The following CRTC3 variants were observed in gnomAD, a reference collection of about 807,000 sequenced individuals.
The protein encoded by CRTC3 is CREB-regulated transcription coactivator 3.
Under a neutral mutation model 74.5 loss-of-function variants are expected in CRTC3, and 26 were observed. That is an observed-to-expected ratio of 0.35 (90% CI 0.26 to 0.48). The LOEUF is 0.48. Ranked by LOEUF, CRTC3 falls within the 20% of genes least tolerant of loss-of-function variation. CRTC3 has a pLI of 0.99. For missense variants in CRTC3, 760 were observed against 787.3 expected (o/e 0.97, Z 0.41); for synonymous variants, 377 against 325.8 (o/e 1.16, Z -1.69).
rs1967285884 is a variant in CRTC3 at position 90,572,199 on chromosome 15, C to T, written c.232-21437C>T. Among the ~76,000 whole-genome samples the T allele has an allele frequency of 2.7e-5, 4 of 149,180 alleles. No individual in the cohort carries two copies. The South Asian group carries it at 6.3e-4, about 24-fold the overall frequency. On this transcript the variant is annotated intron_variant, in intron 2 of 14. Coordinates refer to ENST00000268184, the MANE Select transcript of CRTC3 (RefSeq NM_022769.5). The stretch of plus-strand genomic sequence containing the variant: ...AAAAAAAAGGCAGAACTTGATACAC[C>T]TTAGGTATCTTTCTATGTCAGTACC...
At chr15:90,590,423 C>T (rs1473281485) in intron 2 of CRTC3, among the ~76,000 whole-genome samples, 2 of 151,770 alleles carry the variant, frequency 1.3e-5, no homozygotes, top group African/African-American at 2.4e-5. Flanking sequence ...TTGAGTGGCA[C>T]GTAGTATTTC....
rs774224765 is a variant in CRTC3, at chr15:90,629,504, G to A, written c.1238G>A (p.Ser413Asn). 1 of 1,613,856 alleles carries A rather than the reference G, an allele frequency of 6.2e-7. No individual in the cohort carries two copies. Among genetic ancestry groups the A allele is most frequent in the African/African-American group, 1.3e-5 (1 of 74,876 alleles). ...QGFSRQLSST[S>N]PLAPYPTSQM... ...TTCAGCAGACAGCTGTCTTCAACCAGCCCACTGGCCCCATATCCTACCTCC... is the reference window on the plus strand; with the variant it reads ...TTCAGCAGACAGCTGTCTTCAACCAACCCACTGGCCCCATATCCTACCTCC... Residue 413 changes from serine to asparagine, a missense_variant, in exon 11 of 15, where the codon AGC becomes AAC. By Grantham distance (46) the Ser-to-Asn change is conservative (BLOSUM62 1). Coordinates refer to ENST00000268184, the MANE Select transcript of CRTC3 (RefSeq NM_022769.5).
chr15:90,637,168 C>T (rs533875093), intron 11 of CRTC3, among the ~76,000 whole-genome samples: 3 of 152,082 alleles, frequency 2.0e-5, no homozygotes, highest in Non-Finnish European at 2.9e-5. Flanking sequence ...TGTCCAACAA[C>T]GATAGACTGG....
At chr15:90,543,229 G>A (rs770960485) in intron 2 of CRTC3, among the ~76,000 whole-genome samples, 2 of 148,020 alleles carry the variant, frequency 1.4e-5, no homozygotes. Flanking sequence ...TGAGTCCAGA[G>A]AGCAGAGATT....
At chr15:90,608,462 C>T (rs1317244819) in intron 6 of CRTC3, among the ~76,000 whole-genome samples, 2 of 152,142 alleles carry the variant, frequency 1.3e-5, no homozygotes, top group Non-Finnish European at 2.9e-5. Flanking sequence ...CTCTCTCTCT[C>T]ACTCCTGGCC....
intron 2 of CRTC3, among the ~76,000 whole-genome samples, chr15:90,557,087 T>G (rs1257579943): frequency 6.6e-6 from 1 of 151,832 alleles, no homozygotes; most frequent in African/African-American, 2.4e-5. Context: ...TGCTTTAATT[T>G]TAAAAGTTCT....
At chr15:90,565,793 A>C (rs1288151554) in intron 2 of CRTC3, among the ~76,000 whole-genome samples, 2 of 152,178 alleles carry the variant, frequency 1.3e-5, no homozygotes, top group Non-Finnish European at 2.9e-5. Context: ...TAATCAAGAG[A>C]AATGTTGTGT....
intron 7 of CRTC3, among the ~76,000 whole-genome samples, chr15:90,614,952 T>A (rs1251500923): frequency 6.6e-6 from 1 of 152,054 alleles, no homozygotes; most frequent in Non-Finnish European, 1.5e-5. Context: ...TGGTCCCAGA[T>A]ACTCAGGAGG....
chr15:90,549,450 A>G lies in CRTC3; in HGVS notation c.231+9313A>G, dbSNP rs193187638. 1.7e-4 allele frequency among the ~76,000 whole-genome samples: 26 copies of G among 152,270 alleles called. No individual in the cohort carries two copies. In the East Asian group the frequency reaches 3.5e-3, roughly 20 times the overall value. ...AAATTTAAAAATCCAGCTATTTGAA[A>G]ATTTTAAAGCCTTTTTAATAACTAT... On this transcript the variant is annotated intron_variant, in intron 2 of 14. Coordinates refer to ENST00000268184, the MANE Select transcript of CRTC3 (RefSeq NM_022769.5).
intron 2 of CRTC3, 92 bp downstream of exon 2, chr15:90,540,229 C>G (rs1404824862): frequency 1.1e-6 from 1 of 879,596 alleles, no homozygotes; most frequent in Non-Finnish European, 1.8e-6. Flanking sequence ...GAAGGATAAG[C>G]TGGGCCTAGG....
chr15:90,599,958 G>A (rs1968025276), intron 3 of CRTC3, among the ~76,000 whole-genome samples: 1 of 151,634 alleles, frequency 6.6e-6, no homozygotes, highest in South Asian at 2.1e-4. Flanking sequence ...CTGAGGCTCG[G>A]TGTTTCCTCC....
chr15:90,617,755 T>C, intron 7 of CRTC3, 128 bp from the exon 8 acceptor site: 1 of 623,500 alleles, frequency 1.6e-6, no homozygotes, highest in Non-Finnish European at 2.9e-6. Context: ...TGTCTCAAAC[T>C]CCTGGGCTCA....
chr15:90,569,983 A>G (rs987535458), intron 2 of CRTC3, among the ~76,000 whole-genome samples: 1 of 152,176 alleles, frequency 6.6e-6, no homozygotes, highest in Admixed American at 6.5e-5. Context: ...AATATGATCT[A>G]TCAGCTCAGT....
chr15:90,533,022 T>C, intron 1 of CRTC3, among the ~76,000 whole-genome samples: 2 of 112,972 alleles, frequency 1.8e-5, no homozygotes, highest in East Asian at 2.6e-4. Flanking sequence ...GAGGTGGAGG[T>C]TGCAGTGAGC....
chr15:90,566,947 G>T (rs998786484), intron 2 of CRTC3, among the ~76,000 whole-genome samples: 1 of 152,088 alleles, frequency 6.6e-6, no homozygotes, highest in African/African-American at 2.4e-5. Context: ...CTGACCTCAG[G>T]TAACTCACCC....
At chr15:90,631,726 CAAA>C (rs71463748) in intron 11 of CRTC3, among the ~76,000 whole-genome samples, 1 of 110,064 alleles carries the variant, frequency 9.1e-6, no homozygotes. Context: ...TACTCTGTCT[CAAA>C]AAAAAAAAAA....
At position 90,607,573 on chromosome 15, in the gene CRTC3, C is replaced by G. The variant is rs144661065; in HGVS notation, c.577+95C>G. The G allele has an allele frequency of 9.1e-4, 677 of 747,668 alleles. 1 individual carries two copies. The highest frequency in any genetic ancestry group is 8.5e-3 in the African/African-American group (485 of 56,904). 46.3% of individuals were successfully genotyped at this position (747,668 alleles called of 1,614,324 possible). On this transcript the variant is annotated intron_variant, in intron 6 of 14. Coordinates refer to ENST00000268184, the MANE Select transcript of CRTC3 (RefSeq NM_022769.5). Reference sequence around the variant, plus strand: ...GAAGCTGAAGTGGTGTTTGCGCTTCCCGGTTCAGTGATCTTAGAGAGGCAG... The same window carrying G: ...GAAGCTGAAGTGGTGTTTGCGCTTCGCGGTTCAGTGATCTTAGAGAGGCAG...
intron 2 of CRTC3, among the ~76,000 whole-genome samples, chr15:90,567,824 A>T (rs1315935223): frequency 6.6e-6 from 1 of 152,236 alleles, no homozygotes; most frequent in Admixed American, 6.5e-5. Flanking sequence ...TCTGCAGCCC[A>T]TGGATCAAGA....
intron 3 of CRTC3, among the ~76,000 whole-genome samples, chr15:90,597,239 T>C (rs772568343): frequency 2.0e-5 from 3 of 152,284 alleles, no homozygotes; most frequent in African/African-American, 4.8e-5. Context: ...GCAGCCCTTC[T>C]TACTCTCACT....
Sources: gnomAD v4.1 joint callset for allele counts (sites outside exome capture counted in the v4.1 genomes callset) on GRCh38, gnomAD v4.1.1 for gene constraint, MANE v1.5 for transcripts, NCBI Gene and HGNC (gene_info 2026-07-23, HGNC 2026-07-21) for gene names.